RGS12: variants seen among roughly 807,000 people sequenced by gnomAD.
RGS12 encodes regulator of G-protein signaling 12.
In RGS12, 66 loss-of-function variants were observed where a neutral mutation model predicts 120.1. The observed-to-expected ratio is 0.55, with a 90% CI of 0.45 to 0.67. RGS12 has a LOEUF of 0.67. Ranked by LOEUF, RGS12 falls within the 30% of genes least tolerant of loss-of-function variation. RGS12 has a pLI of 0.00. For missense variants in RGS12, 1,859 were observed against 1,957.7 expected (o/e 0.95, Z 0.95); for synonymous variants, 827 against 804.7 (o/e 1.03, Z -0.47).
chr4:3,360,204 A>G (rs1317069229), intron 3 of RGS12, among the ~76,000 whole-genome samples: 3 of 152,180 alleles, frequency 2.0e-5, no homozygotes, highest in African/African-American at 7.2e-5. Flanking sequence ...GGAATTGGTA[A>G]TAATGTCCCT....
intron 10 of RGS12, 35 bp from the exon 11 acceptor site, chr4:3,422,341 G>T: frequency 1.3e-6 from 2 of 1,581,602 alleles, no homozygotes; most frequent in Non-Finnish European, 8.6e-7. Context: ...TGTGACGCTG[G>T]TTCCCTCACG....
chr4:3,363,967 G>A (rs1716015250), intron 3 of RGS12, among the ~76,000 whole-genome samples: 1 of 152,186 alleles, frequency 6.6e-6, no homozygotes, highest in South Asian at 2.1e-4. Context: ...CATGCTGCCG[G>A]AGAGGCCGGG....
chr4:3,338,628 T>A (rs1043719058), intron 2 of RGS12, among the ~76,000 whole-genome samples: 10 of 151,476 alleles, frequency 6.6e-5, no homozygotes, highest in African/African-American at 2.4e-4. Flanking sequence ...GGGGCCAGGG[T>A]GACCGGCCTC....
chr4:3,319,270 A>G (rs1249886266), intron 2 of RGS12, among the ~76,000 whole-genome samples: 1 of 152,212 alleles, frequency 6.6e-6, no homozygotes, highest in Non-Finnish European at 1.5e-5. Flanking sequence ...AGCCTGGGTG[A>G]CAGAGCGAGA....
chr4:3,296,321 C>T (rs1723379226), intron 1 of RGS12, among the ~76,000 whole-genome samples: 1 of 152,148 alleles, frequency 6.6e-6, no homozygotes, highest in Non-Finnish European at 1.5e-5. Context: ...AGCTGGGACC[C>T]CAGGCATGTG....
intron 2 of RGS12, among the ~76,000 whole-genome samples, chr4:3,338,504 G>T (rs190011814): frequency 6.6e-6 from 1 of 152,354 alleles, no homozygotes; most frequent in Non-Finnish European, 1.5e-5. Flanking sequence ...TAGTAATGCC[G>T]GTTGACCGGC....
At chr4:3,425,584 T>C in intron 14 of RGS12, 24 bp downstream of exon 14, 3 of 1,406,288 alleles carry the variant, frequency 2.1e-6, no homozygotes, top group Non-Finnish European at 2.8e-6. Flanking sequence ...GTGCAGCGGA[T>C]GGGGAGAGGG....
At chr4:3,353,923 C>G (rs1714628228) in intron 3 of RGS12, among the ~76,000 whole-genome samples, 1 of 152,168 alleles carries the variant, frequency 6.6e-6, no homozygotes, top group Non-Finnish European at 1.5e-5. Flanking sequence ...CCTTAACACA[C>G]TACTTCCCAA....
Position 3,425,556 on chromosome 4 carries a change from A to G in RGS12, c.3327A>G (p.Gly1109=). 1 of 1,608,202 alleles carries G rather than the reference A, an allele frequency of 6.2e-7. No homozygotes were observed. The highest frequency in any genetic ancestry group is 8.5e-7 in the Non-Finnish European group (1 of 1,178,282). Residue 1109 remains glycine, a synonymous_variant, in exon 14 of 18, where the codon GGA becomes GGG. Transcript: ENST00000336727. ...VVLEEKDPSR[G]KASADKQKGV... ...TGGAGGAGAAGGATCCTTCCAGAGG[A>G]AAGGGTGAGTAGGGCTGGTGCAGCG...
intron 14 of RGS12, among the ~76,000 whole-genome samples, chr4:3,425,761 C>A (rs1204311499): frequency 5.1e-4 from 8 of 15,574 alleles, no homozygotes; most frequent in African/African-American, 9.7e-4. Context: ...GGGGCTGTGG[C>A]GTTGGCATAG....
chr4:3,373,042 G>A (rs1470071329), intron 3 of RGS12, among the ~76,000 whole-genome samples: 1 of 152,216 alleles, frequency 6.6e-6, no homozygotes, highest in East Asian at 1.9e-4. Flanking sequence ...AGAGGATGCG[G>A]TGAGACCTGG....
rs1358001901 is a variant in RGS12, at chr4:3,433,705, A to G, written c.4114+2750A>G. Among the ~76,000 whole-genome samples the G allele has an allele frequency of 2.7e-5, 4 of 149,930 alleles. No individual in the cohort carries two copies. Among genetic ancestry groups the G allele is most frequent in the Non-Finnish European group, 4.4e-5 (3 of 67,646 alleles). ...TGCTCCACCACGCCCTTCTAGCCTC[A>G]GCGTCATGCACCGCACCGCCCCATG... On this transcript the variant is annotated intron_variant, in intron 17 of 17. Coordinates refer to ENST00000336727, the MANE Select transcript of RGS12 (RefSeq NM_001394154.1). The surrounding 1 kb of genome is among the most constrained non-coding windows in gnomAD (Gnocchi z 4.4).
chr4:3,337,091 G>A (rs763797084), intron 2 of RGS12, among the ~76,000 whole-genome samples: 52 of 152,222 alleles, frequency 3.4e-4, no homozygotes, highest in Non-Finnish European at 6.9e-4. Flanking sequence ...CAATGGGCAC[G>A]TGGAAAGATG....
upstream of RGS12, among the ~76,000 whole-genome samples, chr4:3,290,569 G>A (rs182310670): frequency 1.1e-3 from 165 of 152,352 alleles, no homozygotes; most frequent in Middle Eastern, 3.4e-3. Flanking sequence ...CCCACACCCC[G>A]AGTCCCGTGG....
intron 3 of RGS12, among the ~76,000 whole-genome samples, chr4:3,363,448 C>G (rs1715933808): frequency 6.6e-6 from 1 of 151,958 alleles, no homozygotes; most frequent in African/African-American, 2.4e-5. Context: ...AGACCCCAGG[C>G]CTTGTGGTTA....
At chr4:3,369,842 TG>T (rs1716777839) in intron 3 of RGS12, 1 of 188,146 alleles carries the variant, frequency 5.3e-6, no homozygotes, top group South Asian at 1.8e-4. Flanking sequence ...CAGATCCCGC[TG>T]GCTGCCACCC....
intron 4 of RGS12, among the ~76,000 whole-genome samples, chr4:3,391,640 CCT>C (rs1257571250): frequency 2.3e-4 from 35 of 152,216 alleles, no homozygotes; most frequent in African/African-American, 8.2e-4. Flanking sequence ...ACGAAGAACT[CCT>C]CTCATGCAAC....
chr4:3,314,064 T>A (rs1216898776), intron 1 of RGS12: 2 of 151,612 alleles, frequency 1.3e-5, no homozygotes, highest in East Asian at 3.8e-4. Flanking sequence ...TTAAATTCAT[T>A]TTTTAATGAT....
intron 3 of RGS12, among the ~76,000 whole-genome samples, chr4:3,382,642 TG>T (rs1173535665): frequency 1.1e-4 from 17 of 151,962 alleles, no homozygotes; most frequent in Admixed American, 8.5e-4. Context: ...AGTTCTCTGC[TG>T]CTCTCTCTCT....
Sources: gnomAD v4.1 joint callset for allele counts (sites outside exome capture counted in the v4.1 genomes callset) on GRCh38, gnomAD v4.1.1 for gene constraint, Gnocchi (gnomAD v3.1) non-coding constraint, MANE v1.5 for transcripts, NCBI Gene and HGNC (gene_info 2026-07-23, HGNC 2026-07-21) for gene names.